The following MND1 variants were observed in gnomAD, a reference collection of about 807,000 sequenced individuals.
MND1 encodes meiotic nuclear division protein 1 homolog.
In MND1, 28 loss-of-function variants were observed where a neutral mutation model predicts 35.1. That is an observed-to-expected ratio of 0.80 (90% CI 0.59 to 1.09). MND1 has a LOEUF of 1.09. Among genes scored for constraint, MND1 ranks in the 50% least tolerant of loss-of-function variants. The probability of loss-of-function intolerance (pLI) is 0.00; values close to 1 mark genes in which losing one functional copy is unlikely to be tolerated. For missense variants in MND1, 213 were observed against 239.6 expected (o/e 0.89, Z 0.73); for synonymous variants, 69 against 70.5 (o/e 0.98, Z 0.11).
At chr4:153,370,684 TA>T (rs1773768472) in intron 4 of MND1, among the ~76,000 whole-genome samples, 1 of 152,136 alleles carries the variant, frequency 6.6e-6, no homozygotes, top group South Asian at 2.1e-4. Context: ...CACGCCTGGC[TA>T]ACTTTTGTAT....
chr4:153,366,617 C>T (rs895516244), intron 4 of MND1, among the ~76,000 whole-genome samples: 2 of 152,184 alleles, frequency 1.3e-5, no homozygotes, highest in African/African-American at 2.4e-5. Flanking sequence ...AACCCTGACT[C>T]TCAAGTTGTT....
intron 4 of MND1, among the ~76,000 whole-genome samples, chr4:153,371,565 A>C (rs941067844): frequency 1.3e-5 from 2 of 151,990 alleles, no homozygotes; most frequent in African/African-American, 2.4e-5. Flanking sequence ...CTAGCTTCCA[A>C]CTTTTTCTGT....
chr4:153,364,033 C>T (rs909985529), intron 4 of MND1, among the ~76,000 whole-genome samples: 2 of 151,098 alleles, frequency 1.3e-5, no homozygotes, highest in Non-Finnish European at 2.9e-5. Flanking sequence ...CAGGAGTTCA[C>T]GGCCAGCCTG....
chr4:153,359,141 T>C (rs1177500599), intron 4 of MND1, among the ~76,000 whole-genome samples: 1 of 152,216 alleles, frequency 6.6e-6, no homozygotes, highest in Non-Finnish European at 1.5e-5. Flanking sequence ...TCCACAATTA[T>C]AGTATTGTAC....
chr4:153,359,065 T>C (rs1312065511), intron 4 of MND1, among the ~76,000 whole-genome samples: 1 of 152,202 alleles, frequency 6.6e-6, no homozygotes, highest in East Asian at 1.9e-4. Context: ...ATTCCGTAGC[T>C]TACATTAGGG....
chr4:153,345,433 GGGC>G, intron 1 of MND1: 1 of 985,478 alleles, frequency 1.0e-6, no homozygotes, highest in South Asian at 4.7e-5. Flanking sequence ...TGGTTGTGTA[GGGC>G]GCTGTTGCTT....
rs796495319 is a variant in MND1, at chr4:153,350,964, A to C, written c.69+835A>C. 2.6e-3 allele frequency among the ~76,000 whole-genome samples: 399 copies of C among 151,730 alleles called. 4 individuals carry two copies. The highest frequency in any genetic ancestry group is 6.8e-3 in the Middle Eastern group (2 of 294). ...GCAGATTCTTAGTAAAAAAAAAAAA[A>C]AAAAACAAACAAAATACACGGGATT... On this transcript the variant is annotated intron_variant, in intron 2 of 7. Transcript: ENST00000240488.
intron 4 of MND1, among the ~76,000 whole-genome samples, chr4:153,379,834 A>G (rs1728618663): frequency 7.3e-6 from 1 of 136,864 alleles, no homozygotes; most frequent in African/African-American, 2.8e-5. Context: ...TGTGCAACAG[A>G]GCAAGACTCC....
At chr4:153,363,090 C>CCAGCATA in intron 4 of MND1, 2 of 824,774 alleles carry the variant, frequency 2.4e-6, no homozygotes, top group Non-Finnish European at 1.5e-6. Context: ...GAGCTCAGTT[C>CCAGCATA]TAGCTCTCCT....
intron 1 of MND1, among the ~76,000 whole-genome samples, chr4:153,346,403 G>A (rs1027425492): frequency 3.3e-5 from 5 of 152,154 alleles, no homozygotes; most frequent in Non-Finnish European, 7.3e-5. Context: ...CATAGTCCTT[G>A]AGTCAGGTTT....
intron 6 of MND1, among the ~76,000 whole-genome samples, chr4:153,408,618 G>T (rs1379306729): frequency 2.6e-5 from 4 of 151,644 alleles, no homozygotes; most frequent in Non-Finnish European, 5.9e-5. Flanking sequence ...GTTGTATTTT[G>T]GTATGGTGAG....
At chr4:153,379,849 C>CAAAAAAA (rs34034237) in intron 4 of MND1, among the ~76,000 whole-genome samples, 2 of 62,488 alleles carry the variant, frequency 3.2e-5, no homozygotes, top group Non-Finnish European at 3.1e-5. Context: ...GACTCCATCT[C>CAAAAAAA]AAAAAAAAAA....
chr4:153,395,789 T>C (rs1729183003), intron 5 of MND1, among the ~76,000 whole-genome samples: 1 of 152,226 alleles, frequency 6.6e-6, no homozygotes, highest in South Asian at 2.1e-4. Context: ...TTGTCTAAGA[T>C]TGTTTCAATG....
chr4:153,409,544 C>T (rs1729623152), intron 7 of MND1, among the ~76,000 whole-genome samples: 1 of 152,106 alleles, frequency 6.6e-6, no homozygotes. Context: ...ACACATGTGT[C>T]AGACAGCAGA....
chr4:153,414,911 C>T lies in MND1; in HGVS notation c.*54C>T, dbSNP rs1443627388. ...AGCTTGTGAATATGTAAATTTTAAA[C>T]TATTATCTAACTAAGTGTACTGAAT... On this transcript the variant is annotated 3_prime_UTR_variant, in exon 8 of 8. Transcript: ENST00000240488. 3 of 753,990 alleles carry T rather than the reference C, an allele frequency of 4.0e-6. No individual in the cohort carries two copies. Among genetic ancestry groups the T allele is most frequent in the Non-Finnish European group, 6.4e-6 (3 of 471,154 alleles). 46.7% of individuals were successfully genotyped at this position (753,990 alleles called of 1,614,324 possible). A position where few individuals can be genotyped will look rare whatever the true frequency, so the allele number is the denominator to read the frequency against.
intron 4 of MND1, among the ~76,000 whole-genome samples, chr4:153,367,595 G>A (rs1272297047): frequency 6.6e-6 from 1 of 152,106 alleles, no homozygotes; most frequent in South Asian, 2.1e-4. Context: ...CTGTTGATGG[G>A]CATGTGAGTT....
At position 153,414,933 on chromosome 4, in the gene MND1, G is replaced by T; in HGVS notation, c.*76G>T. ...AAACTATTATCTAACTAAGTGTACT[G>T]AATTGTCGTTTGCCTGTAACTGTGT... On this transcript the variant is annotated 3_prime_UTR_variant, in exon 8 of 8. Coordinates refer to ENST00000240488, the MANE Select transcript of MND1 (RefSeq NM_032117.4). 1 of 604,344 alleles carries T rather than the reference G, an allele frequency of 1.7e-6. No homozygotes were observed. Among genetic ancestry groups the T allele is most frequent in the South Asian group, 3.0e-5 (1 of 32,842 alleles). 37.4% of individuals were successfully genotyped at this position (604,344 alleles called of 1,614,324 possible).
intron 6 of MND1, among the ~76,000 whole-genome samples, chr4:153,402,585 A>T (rs1367178317): frequency 6.6e-6 from 1 of 152,178 alleles, no homozygotes; most frequent in Non-Finnish European, 1.5e-5. Flanking sequence ...GAAGGATAAC[A>T]ACCCTGCATT....
At chr4:153,353,221 A>T (rs1773257571) in intron 2 of MND1, among the ~76,000 whole-genome samples, 1 of 151,872 alleles carries the variant, frequency 6.6e-6, no homozygotes. Flanking sequence ...TCATACTCGC[A>T]CTAAGTTCAA....
Sources: allele counts gnomAD v4.1 joint callset (sites outside exome capture counted in the v4.1 genomes callset), GRCh38; gene constraint gnomAD v4.1.1; transcripts MANE v1.5; gene names NCBI Gene and HGNC (gene_info 2026-07-23, HGNC 2026-07-21).